The following CALHM3 variants were observed in gnomAD, a reference collection of about 807,000 sequenced individuals.
CALHM3 encodes the protein calcium homeostasis modulator protein 3.
In CALHM3, 9 loss-of-function variants were observed where a neutral mutation model predicts 13.6. The ratio of observed to expected loss-of-function variants is 0.66; its 90% confidence interval spans 0.40 to 1.15. The LOEUF is 1.15. Among genes scored for constraint, CALHM3 ranks in the 50% most tolerant of loss-of-function variants. The probability of loss-of-function intolerance (pLI) is 0.01; values close to 1 mark genes in which losing one functional copy is unlikely to be tolerated. For missense variants in CALHM3, 497 were observed against 463.4 expected (o/e 1.07, Z -0.67); for synonymous variants, 231 against 213.2 (o/e 1.08, Z -0.73).
intron 2 of CALHM3, 44 bp downstream of exon 2, chr10:103,476,250 G>T: frequency 6.5e-7 from 1 of 1,547,606 alleles, no homozygotes. Context: ...CAATGCGGGG[G>T]ATTTGTGAGG....
At position 103,476,435 on chromosome 10, in the gene CALHM3, A is replaced by C; in HGVS notation, c.402T>G (p.Pro134=). 1 of 1,551,756 alleles carries C rather than the reference A, an allele frequency of 6.4e-7. No individual in the cohort carries two copies. The highest frequency in any genetic ancestry group is 8.7e-7 in the Non-Finnish European group (1 of 1,147,014). ...FVCAFSSSVD[P]EKFLDFANMT... is the part of the protein sequence containing the mutation. ...TGTTGGCAAAGTCCAGAAACTTCTCAGGGTCCACAGAGCTGCTGAAGGCAC... is the reference window on the plus strand; with the variant it reads ...TGTTGGCAAAGTCCAGAAACTTCTCCGGGTCCACAGAGCTGCTGAAGGCAC... The change falls in exon 2 of 3, where the codon CCT becomes CCG. Residue 134 remains proline, a synonymous_variant. Coordinates refer to ENST00000369783, the MANE Select transcript of CALHM3 (RefSeq NM_001129742.2).
chr10:103,475,717 T>A (rs1466568152), intron 2 of CALHM3, among the ~76,000 whole-genome samples: 1 of 152,176 alleles, frequency 6.6e-6, no homozygotes, highest in Non-Finnish European at 1.5e-5. Flanking sequence ...GTGTAGTGGG[T>A]TCACATAAAT....
Position 103,473,429 on chromosome 10 carries a change from C to A in CALHM3, c.819G>T (p.Val273=). The A allele has an allele frequency of 1.3e-6, 2 of 1,525,722 alleles. No homozygotes were observed. The allele number at this position is 1,525,722 out of a possible 1,614,324, so 94.5% of individuals were successfully genotyped here. ...TATCCAGGCCTTCTGGGGGCTCAGG[C>A]ACTGCGGGGAGCTCGAGTCTCCTGC... ...NAGRRLELPA[V]PEPPEGLDSG... is the part of the protein sequence containing the mutation. The change falls in exon 3 of 3, where the codon GTG becomes GTT. Residue 273 remains valine, a synonymous_variant. Coordinates refer to ENST00000369783, the MANE Select transcript of CALHM3 (RefSeq NM_001129742.2).
intron 1 of CALHM3, among the ~76,000 whole-genome samples, chr10:103,476,811 C>T (rs570365297): frequency 6.6e-6 from 1 of 152,328 alleles, no homozygotes; most frequent in Non-Finnish European, 1.5e-5. Context: ...ATGCCAGAGG[C>T]ATCTGTGGGT....
rs2033421710 is a variant in CALHM3, at chr10:103,478,800, A to T, written c.233T>A (p.Val78Asp). 1 of 1,551,232 alleles carries T rather than the reference A, an allele frequency of 6.4e-7. No individual in the cohort carries two copies. The highest frequency in any genetic ancestry group is 8.7e-7 in the Non-Finnish European group (1 of 1,146,856). Residue 78 changes from valine to aspartate, a missense_variant, in exon 1 of 3, where the codon GTC (valine) becomes GAC (aspartate). Physicochemically the swap from Val to Asp is radical, Grantham distance 152. Transcript: ENST00000369783. ...CCCTGCGGGCCGGCGCCACTCCTCG[A>T]CCATCACCACAGACTGCCGGTTGGC... ...LLANRQSVVM[V>D]EEWRRPAGHR...
chr10:103,474,516 C>A (rs1254096201), intron 2 of CALHM3, among the ~76,000 whole-genome samples: 1 of 151,960 alleles, frequency 6.6e-6, no homozygotes, highest in Admixed American at 6.6e-5. Context: ...AGTGCAATGG[C>A]GTGATTCAGC....
At chr10:103,474,011 C>G (rs3014198) in intron 2 of CALHM3, among the ~76,000 whole-genome samples, 109,006 of 152,018 alleles carry the variant, frequency 0.72, 39,734 homozygotes, top group South Asian at 0.86. Flanking sequence ...TCCCTGTGTC[C>G]TTGTAAATTT....
In CALHM3 at chr10:103,479,137, G is replaced by GT; in HGVS notation, c.-106dup. On this transcript the variant is annotated 5_prime_UTR_variant, in exon 1 of 3. Transcript: ENST00000369783. Reference sequence around the variant, plus strand: ...GGGACGAGCCTGGGATCTGCAAGAGGTTCTCTCTCTGCTTCCAAGGGCCTG... The same window carrying GT: ...GGGACGAGCCTGGGATCTGCAAGAGGTTTCTCTCTCTGCTTCCAAGGGCCTG... 7.8e-7 allele frequency: 1 copy of GT among 1,289,042 alleles called. No individual in the cohort carries two copies. The highest frequency in any genetic ancestry group is 2.5e-5 in the Admixed American group (1 of 40,272). 79.9% of individuals were successfully genotyped at this position (1,289,042 alleles called of 1,614,324 possible). A position where few individuals can be genotyped will look rare whatever the true frequency, so the allele number is the denominator to read the frequency against.
Position 103,479,080 on chromosome 10 carries a change from C to T in CALHM3, c.-48G>A. ...CGGCCGTCGGTTCGGCTCAGTGAGGCTCTGGCCACCTTCCTGGTGTCTGCT... is the reference window on the plus strand; with the variant it reads ...CGGCCGTCGGTTCGGCTCAGTGAGGTTCTGGCCACCTTCCTGGTGTCTGCT... On this transcript the variant is annotated 5_prime_UTR_variant, in exon 1 of 3. Coordinates refer to ENST00000369783, the MANE Select transcript of CALHM3 (RefSeq NM_001129742.2). 6.6e-7 allele frequency: 1 copy of T among 1,505,140 alleles called. No homozygotes were observed. Among genetic ancestry groups the T allele is most frequent in the Middle Eastern group, 1.8e-4 (1 of 5,712 alleles). The allele number at this position is 1,505,140 out of a possible 1,614,324, so 93.2% of individuals were successfully genotyped here. A position where few individuals can be genotyped will look rare whatever the true frequency, so the allele number is the denominator to read the frequency against.
intron 2 of CALHM3, among the ~76,000 whole-genome samples, chr10:103,474,211 CT>C (rs2033362481): frequency 6.6e-6 from 1 of 152,124 alleles, no homozygotes; most frequent in South Asian, 2.1e-4. Context: ...TTCTCTCATC[CT>C]TGCATCTATC....
chr10:103,473,583 A>G lies in CALHM3; in HGVS notation c.665T>C (p.Leu222Pro), dbSNP rs750138792. 22 of 1,551,254 alleles carry G rather than the reference A, an allele frequency of 1.4e-5. No individual in the cohort carries two copies. In the South Asian group the frequency reaches 2.4e-4, roughly 17 times the overall value. Residue 222 changes from leucine (L) to proline (P), a missense_variant, in exon 3 of 3, where the codon CTG becomes CCG. Transcript: ENST00000369783. ...GGTCTCGTCGAAGAGCTTCTGCTCC[A>G]GGTCCACGTAGTTGCTCCAGTATCT... ...QRRYWSNYVDLEQKLFDETCC... is the reference protein window; with the variant it reads ...QRRYWSNYVDPEQKLFDETCC...
chr10:103,477,864 C>T (rs778138724), intron 1 of CALHM3, among the ~76,000 whole-genome samples: 18 of 152,126 alleles, frequency 1.2e-4, no homozygotes, highest in Non-Finnish European at 2.2e-4. Context: ...AGAGCCACCG[C>T]GCCTGGCCCC....
chr10:103,473,683 G>T lies in CALHM3; in HGVS notation c.565C>A (p.Leu189Met). 6.5e-7 allele frequency: 1 copy of T among 1,549,334 alleles called. No homozygotes were observed. ...AGGAAGGCCGCGATGATCAGCAGCA[G>T]GGTGACGCTCCAGCCGATGGCCTGC... ...LSQAIGWSVT[L>M]LLIIAAFLAR... Residue 189 changes from leucine (L) to methionine (M), a missense_variant, in exon 3 of 3, where the codon CTG becomes ATG. Transcript: ENST00000369783.
At chr10:103,476,244 G>A (rs764966146) in intron 2 of CALHM3, 50 bp downstream of exon 2, 234 of 1,546,328 alleles carry the variant, frequency 1.5e-4, no homozygotes, top group Non-Finnish European at 2.0e-4. Flanking sequence ...CAGAACCAAT[G>A]CGGGGGATTT....
In CALHM3 at chr10:103,473,276, G is replaced by A; in HGVS notation, c.972C>T (p.Gly324=). 6.9e-7 allele frequency: 1 copy of A among 1,458,502 alleles called. No homozygotes were observed. The highest frequency in any genetic ancestry group is 9.1e-7 in the Non-Finnish European group (1 of 1,102,532). The allele number at this position is 1,458,502 out of a possible 1,614,324, so 90.3% of individuals were successfully genotyped here. A position where few individuals can be genotyped will look rare whatever the true frequency, so the allele number is the denominator to read the frequency against. Residue 324 remains glycine (G), a synonymous_variant, in exon 3 of 3, where the codon GGC becomes GGT. Transcript: ENST00000369783. ...LAASPGLCGG[G]LSHRAPTLAL... ...CCAAGGTAGGGGCGCGGTGGCTAAG[G>A]CCACCCCCGCAGAGCCCGGGGGATG... is the stretch of plus-strand genomic sequence containing the variant.
intron 2 of CALHM3, among the ~76,000 whole-genome samples, chr10:103,473,947 A>C (rs1271110531): frequency 6.6e-6 from 1 of 152,244 alleles, no homozygotes; most frequent in Non-Finnish European, 1.5e-5. Context: ...TAAATTGAGA[A>C]GAATGAACGC....
In CALHM3 at chr10:103,478,878, C is replaced by T; in HGVS notation, c.155G>A (p.Gly52Asp). ...CGGGGGCGTCAGCAGCAGGCCCAGG[C>T]CGTAGAGTGCATTGTAGTGCACCAG... ...PCLVHYNALYGLGLLLTPPLA... is the reference protein window; with the variant it reads ...PCLVHYNALYDLGLLLTPPLA... The change falls in exon 1 of 3, where the codon GGC becomes GAC. Residue 52 changes from glycine (G) to aspartate (D), a missense_variant. By Grantham distance (94) the Gly-to-Asp change is moderately conservative. Transcript: ENST00000369783. 2 of 1,551,736 alleles carry T rather than the reference C, an allele frequency of 1.3e-6. No homozygotes were observed. The highest frequency in any genetic ancestry group is 1.7e-6 in the Non-Finnish European group (2 of 1,147,012).
At chr10:103,476,246 G>T in intron 2 of CALHM3, 48 bp downstream of exon 2, 1 of 1,546,648 alleles carries the variant, frequency 6.5e-7, no homozygotes, top group South Asian at 1.2e-5. Flanking sequence ...GAACCAATGC[G>T]GGGGATTTGT....
At position 103,473,431 on chromosome 10, in the gene CALHM3, C is replaced by T. The variant is rs1218805550; in HGVS notation, c.817G>A (p.Val273Met). 2 of 1,527,916 alleles carry T rather than the reference C, an allele frequency of 1.3e-6. No individual in the cohort carries two copies. Among genetic ancestry groups the T allele is most frequent in the African/African-American group, 1.4e-5 (1 of 72,754 alleles). 94.6% of individuals were successfully genotyped at this position (1,527,916 alleles called of 1,614,324 possible). A position where few individuals can be genotyped will look rare whatever the true frequency, so the allele number is the denominator to read the frequency against. Residue 273 changes from valine (V) to methionine (M), a missense_variant, in exon 3 of 3, where the codon GTG (valine) becomes ATG (methionine). Transcript: ENST00000369783. ...NAGRRLELPA[V>M]PEPPEGLDSG... Reference sequence around the variant, plus strand: ...TCCAGGCCTTCTGGGGGCTCAGGCACTGCGGGGAGCTCGAGTCTCCTGCCT... The same window carrying T: ...TCCAGGCCTTCTGGGGGCTCAGGCATTGCGGGGAGCTCGAGTCTCCTGCCT...
Sources: allele counts gnomAD v4.1 joint callset (sites outside exome capture counted in the v4.1 genomes callset), GRCh38; gene constraint gnomAD v4.1.1; transcripts MANE v1.5; gene names NCBI Gene and HGNC (gene_info 2026-07-23, HGNC 2026-07-21).